The following COPG2 variants were observed in gnomAD, a reference collection of about 807,000 sequenced individuals.
COPG2 encodes coat protein complex I subunit gamma 2.
In COPG2, 37 loss-of-function variants were observed where a neutral mutation model predicts 46.3. That is an observed-to-expected ratio of 0.80 (90% CI 0.61 to 1.05). The LOEUF (loss-of-function observed/expected upper bound fraction) is 1.05. Among genes scored for constraint, COPG2 ranks in the 50% least tolerant of loss-of-function variants. The pLI is 0.00. For synonymous variants in COPG2, 159 were observed against 129.7 expected, an observed-to-expected ratio of 1.23 and a Z score of -1.53; for missense variants, 427 against 387.8, an observed-to-expected ratio of 1.10 and a Z score of -0.85.
chr7:130,540,003 G>A (rs1433520997), intron 20 of COPG2, among the ~76,000 whole-genome samples: 1 of 151,870 alleles, frequency 6.6e-6, no homozygotes, highest in East Asian at 1.9e-4. Context: ...CTTGGGCCAG[G>A]GTCTTTGCTA....
At chr7:130,667,763 G>A (rs1796117103) in intron 1 of COPG2, among the ~76,000 whole-genome samples, 1 of 152,170 alleles carries the variant, frequency 6.6e-6, no homozygotes, top group African/African-American at 2.4e-5. Context: ...TCCAAAATGA[G>A]TGTCTTCTTT....
chr7:130,583,727 T>G (rs1794205259), intron 9 of COPG2, among the ~76,000 whole-genome samples: 1 of 132,080 alleles, frequency 7.6e-6, no homozygotes, highest in Admixed American at 9.2e-5. Flanking sequence ...ATCGCTTGAA[T>G]CCCTGGGAGG....
chr7:130,653,635 A>C (rs1231781470), intron 4 of COPG2, among the ~76,000 whole-genome samples: 5 of 152,192 alleles, frequency 3.3e-5, no homozygotes, highest in Non-Finnish European at 7.4e-5. Context: ...TGATTTATTC[A>C]TACACTATGG....
chr7:130,640,158 C>A (rs1006802261), intron 5 of COPG2, among the ~76,000 whole-genome samples: 1 of 96,456 alleles, frequency 1.0e-5, no homozygotes, highest in Non-Finnish European at 2.0e-5. Flanking sequence ...CACCACCAAC[C>A]TTTTTTTTTT....
intron 12 of COPG2, among the ~76,000 whole-genome samples, chr7:130,559,644 C>T (rs935896835): frequency 1.3e-5 from 2 of 152,144 alleles, no homozygotes. Context: ...AGAGGTCATA[C>T]GAAGATCCCA....
chr7:130,630,099 G>A (rs1795201360), intron 5 of COPG2, among the ~76,000 whole-genome samples: 1 of 151,894 alleles, frequency 6.6e-6, no homozygotes, highest in Non-Finnish European at 1.5e-5. Context: ...TTTTAGTAGA[G>A]ATGGGGTTTC....
In COPG2 at chr7:130,547,831, G is replaced by A; in HGVS notation, c.1992C>T (p.Asn664=). 1 of 399,100 alleles carries A rather than the reference G, an allele frequency of 2.5e-6. No homozygotes were observed. Among genetic ancestry groups the A allele is most frequent in the Non-Finnish European group, 4.4e-6 (1 of 226,324 alleles). The allele number at this position is 399,100 out of a possible 1,614,324, so 24.7% of individuals were successfully genotyped here. ...NHIVFQFDCT[N]TLNDQLLEKV... is the part of the protein sequence containing the mutation. ...TTTCCAGCAGCTGGTCATTGAGAGT[G>A]TTGGTGCAGTCAAACTGAAAAGTCA... Residue 664 remains asparagine (N), a synonymous_variant, in exon 20 of 24, where the codon AAC becomes AAT. Coordinates refer to ENST00000425248, the MANE Select transcript of COPG2 (RefSeq NM_012133.6).
chr7:130,599,793 T>C (rs1794600173), intron 9 of COPG2, among the ~76,000 whole-genome samples: 2 of 152,228 alleles, frequency 1.3e-5, no homozygotes, highest in Admixed American at 6.5e-5. Flanking sequence ...TAAATAATCA[T>C]GATCAAGGAG....
chr7:130,620,955 AAAAGG>A (rs1421284383), intron 5 of COPG2, among the ~76,000 whole-genome samples: 2 of 152,222 alleles, frequency 1.3e-5, no homozygotes, highest in African/African-American at 2.4e-5. Flanking sequence ...TTTATATGGC[AAAAGG>A]TACTTTGCAG....
At chr7:130,540,567 T>C (rs1369885979) in intron 20 of COPG2, among the ~76,000 whole-genome samples, 1 of 151,802 alleles carries the variant, frequency 6.6e-6, no homozygotes, top group Admixed American at 6.6e-5. Flanking sequence ...AGACTGGTGT[T>C]TGGGGTCAGA....
intron 9 of COPG2, among the ~76,000 whole-genome samples, chr7:130,591,876 G>A (rs1446627096): frequency 7.2e-5 from 11 of 151,988 alleles, no homozygotes; most frequent in African/African-American, 1.7e-4. Context: ...CCCTCTGCCC[G>A]GCCACCACCC....
chr7:130,615,937 A>G (rs561609481), intron 6 of COPG2, among the ~76,000 whole-genome samples: 22 of 152,214 alleles, frequency 1.4e-4, no homozygotes, highest in Non-Finnish European at 2.9e-4. Flanking sequence ...CCCTTAGGAC[A>G]TAATACTTGA....
intron 18 of COPG2, among the ~76,000 whole-genome samples, chr7:130,549,029 A>G (rs1793491429): frequency 6.9e-6 from 1 of 144,964 alleles, no homozygotes; most frequent in African/African-American, 2.7e-5. Context: ...TTATATATTA[A>G]TGAAAGCAAA....
At chr7:130,544,658 G>A (rs1384593183) in intron 20 of COPG2, among the ~76,000 whole-genome samples, 1 of 152,026 alleles carries the variant, frequency 6.6e-6, no homozygotes, top group Non-Finnish European at 1.5e-5. Flanking sequence ...GGGAATAATT[G>A]GTAGAATGTT....
chr7:130,592,835 C>A (rs1554449215), intron 9 of COPG2, among the ~76,000 whole-genome samples: 1 of 152,180 alleles, frequency 6.6e-6, no homozygotes, highest in Non-Finnish European at 1.5e-5. Context: ...GGGCTTACAC[C>A]AAAACTATGC....
rs1267121525 is a variant in COPG2 at position 130,551,315 on chromosome 7, C to T, written c.1574G>A (p.Arg525Gln). Residue 525 changes from arginine to glutamine, a missense_variant, in exon 16 of 24, where the codon CGA becomes CAA. By Grantham distance (43) the Arg-to-Gln change is conservative. Coordinates refer to ENST00000425248, the MANE Select transcript of COPG2 (RefSeq NM_012133.6). ...ATTCAGATAGAAGGTAGCTCTGTCTCGTACCTCGTCATCAGTATCCATCAT... is the reference window on the plus strand; with the variant it reads ...ATTCAGATAGAAGGTAGCTCTGTCTTGTACCTCGTCATCAGTATCCATCAT... ...RCMMDTDDEV[R>Q]DRATFYLNVL... The T allele has an allele frequency of 2.5e-6, 1 of 398,506 alleles. No homozygotes were observed. 24.7% of individuals were successfully genotyped at this position (398,506 alleles called of 1,614,324 possible). A position where few individuals can be genotyped will look rare whatever the true frequency, so the allele number is the denominator to read the frequency against.
intron 20 of COPG2, among the ~76,000 whole-genome samples, chr7:130,537,544 AGGAGCTG>A (rs1337759931): frequency 6.6e-6 from 1 of 150,888 alleles, no homozygotes; most frequent in African/African-American, 2.4e-5. Flanking sequence ...ACCTGGGCCC[AGGAGCTG>A]GGAGCTGGGA....
intron 5 of COPG2, among the ~76,000 whole-genome samples, chr7:130,620,665 G>C (rs1386797018): frequency 6.6e-6 from 1 of 152,148 alleles, no homozygotes; most frequent in Non-Finnish European, 1.5e-5. Context: ...TAGATAAAGA[G>C]GAATTCTGTC....
intron 20 of COPG2, among the ~76,000 whole-genome samples, chr7:130,523,920 C>T (rs1453378366): frequency 6.7e-6 from 1 of 150,274 alleles, no homozygotes; most frequent in Non-Finnish European, 1.5e-5. Context: ...TCAGGCAGGG[C>T]GGGAGAGTCA....
Sources: gnomAD v4.1 joint callset for allele counts (sites outside exome capture counted in the v4.1 genomes callset) on GRCh38, gnomAD v4.1.1 for gene constraint, MANE v1.5 for transcripts, NCBI Gene and HGNC (gene_info 2026-07-23, HGNC 2026-07-21) for gene names.